Variants in ARHGAP32 observed in about 807,000 individuals in gnomAD.
The protein encoded by ARHGAP32 is Rho GTPase activating protein 32, also known as rho GTPase-activating protein 32.
In ARHGAP32, 51 loss-of-function variants were observed where a neutral mutation model predicts 186.5. That is an observed-to-expected ratio of 0.27 (90% confidence interval 0.22 to 0.35). The LOEUF (loss-of-function observed/expected upper bound fraction) is 0.35, where lower values mean the gene tolerates loss of function less well. Ranked by LOEUF, ARHGAP32 falls within the 10% of genes least tolerant of loss-of-function variation. The pLI is 1.00. For synonymous variants in ARHGAP32, 950 were observed against 964.3 expected (o/e 0.99, Z 0.27); for missense variants, 2,186 against 2,623.5 (o/e 0.83, Z 3.64).
At chr11:129,082,659 T>C (rs150057758) in intron 6 of ARHGAP32, among the ~76,000 whole-genome samples, 32 of 152,172 alleles carry the variant, frequency 2.1e-4, no homozygotes, top group African/African-American at 7.7e-4. Context: ...GATGATAACA[T>C]TGGAAAAATT....
intron 1 of ARHGAP32, among the ~76,000 whole-genome samples, chr11:129,211,436 C>T (rs984837834): frequency 6.6e-6 from 1 of 152,190 alleles, no homozygotes; most frequent in African/African-American, 2.4e-5. Flanking sequence ...TCAGATCTTT[C>T]AAGTTTTTCT....
At chr11:129,121,017 C>T (rs1477604278) in intron 5 of ARHGAP32, among the ~76,000 whole-genome samples, 1 of 152,032 alleles carries the variant, frequency 6.6e-6, no homozygotes, top group Non-Finnish European at 1.5e-5. Flanking sequence ...ATAAAGGATT[C>T]ATTTCCCATA....
Position 128,970,338 on chromosome 11 carries a change from G to T in ARHGAP32, c.4875C>A (p.Ala1625=). The change falls in exon 23 of 23, where the codon GCC becomes GCA. Residue 1625 remains alanine (A), a synonymous_variant. Transcript: ENST00000682385. The surrounding 1 kb of genome is among the most constrained non-coding windows in gnomAD (Gnocchi z 5.8). ...RTEVPPDDEP[A]YCPRPLYQYK... is the part of the protein sequence containing the mutation. ...ATTGGTACAGAGGTCTTGGGCAGTA[G>T]GCTGGCTCATCATCTGGGGGAACTT... 6.2e-7 allele frequency: 1 copy of T among 1,614,214 alleles called. No individual in the cohort carries two copies. Among genetic ancestry groups the T allele is most frequent in the Non-Finnish European group, 8.5e-7 (1 of 1,180,032 alleles).
rs551522013 is a variant in ARHGAP32, at chr11:129,058,101, TA to T, written c.963+4178del. Among the ~76,000 whole-genome samples the T allele has an allele frequency of 9.2e-5, 14 of 151,460 alleles. No homozygotes were observed. The East Asian group carries it at 2.7e-3, about 30-fold the overall frequency. On this transcript the variant is annotated intron_variant, in intron 10 of 22. Coordinates refer to ENST00000682385, the MANE Select transcript of ARHGAP32 (RefSeq NM_001378024.1). Reference sequence around the variant, plus strand: ...TGAACACAGTACCTAACAGACCAATTAAGGGATGAATAAATCCTAGAAACAG... The same window carrying T: ...TGAACACAGTACCTAACAGACCAATTAGGGATGAATAAATCCTAGAAACAG...
chr11:129,120,617 A>G (rs1249094789), intron 5 of ARHGAP32, among the ~76,000 whole-genome samples: 1 of 152,138 alleles, frequency 6.6e-6, no homozygotes, highest in Non-Finnish European at 1.5e-5. Flanking sequence ...CAGAACTAAA[A>G]GCCAGAAAGT....
At chr11:129,083,936 CAGAG>C (rs958772141) in intron 6 of ARHGAP32, among the ~76,000 whole-genome samples, 1 of 152,004 alleles carries the variant, frequency 6.6e-6, no homozygotes, top group Non-Finnish European at 1.5e-5. Context: ...CTTAAAAAGA[CAGAG>C]AGAAATACAC....
At chr11:129,200,200 G>A (rs761584142) in intron 1 of ARHGAP32, among the ~76,000 whole-genome samples, 1 of 152,116 alleles carries the variant, frequency 6.6e-6, no homozygotes, top group Non-Finnish European at 1.5e-5. Context: ...TCTGGACTGT[G>A]GACTTTTGAG....
At chr11:129,035,224 G>A (rs368023306) in intron 11 of ARHGAP32, among the ~76,000 whole-genome samples, 3 of 150,896 alleles carry the variant, frequency 2.0e-5, no homozygotes, top group East Asian at 2.0e-4. Flanking sequence ...TTTTCCTAAG[G>A]TACCATGGGT....
At chr11:129,072,324 C>T (rs1940893918) in intron 6 of ARHGAP32, among the ~76,000 whole-genome samples, 1 of 152,162 alleles carries the variant, frequency 6.6e-6, no homozygotes, top group Non-Finnish European at 1.5e-5. Flanking sequence ...CCAAGTACCA[C>T]ATGGAAATGA....
At chr11:129,062,136 TATC>T (rs2135137973) in intron 10 of ARHGAP32, 141 bp downstream of exon 10, 1 of 652,354 alleles carries the variant, frequency 1.5e-6, no homozygotes, top group Non-Finnish European at 2.7e-6. Flanking sequence ...CTAAATCTAT[TATC>T]ATTACTATCT....
At chr11:129,044,383 C>T (rs1398277976) in intron 10 of ARHGAP32, among the ~76,000 whole-genome samples, 2 of 152,110 alleles carry the variant, frequency 1.3e-5, no homozygotes, top group African/African-American at 4.8e-5. Flanking sequence ...AGCTTTAACC[C>T]ATTTATGGCA....
chr11:129,041,765 T>C (rs1939602083), intron 10 of ARHGAP32, among the ~76,000 whole-genome samples: 2 of 152,198 alleles, frequency 1.3e-5, no homozygotes, highest in Admixed American at 1.3e-4. Context: ...AGATACTGTA[T>C]AGCCAAAAGG....
intron 1 of ARHGAP32, 31 bp from the exon 2 acceptor site, chr11:129,164,458 A>C: frequency 1.6e-6 from 2 of 1,274,222 alleles, no homozygotes; most frequent in Non-Finnish European, 2.2e-6. Context: ...GATTCTGATA[A>C]GAATTTCCAA....
intron 10 of ARHGAP32, among the ~76,000 whole-genome samples, chr11:129,060,784 A>C (rs13377320): frequency 0.027 from 4,106 of 150,282 alleles, 111 homozygotes; most frequent in African/African-American, 0.068. Flanking sequence ...GAATTCTTTA[A>C]ATTTAAAAAT....
In ARHGAP32 at chr11:129,192,080, C is replaced by T. The variant is rs1330197116; in HGVS notation, c.116+3G>A. Reference sequence around the variant, plus strand: ...ACAAAGGAACTGTGAATTCCATAATCACCTGAACTTCTCTTCCCTTTCTTC... The same window carrying T: ...ACAAAGGAACTGTGAATTCCATAATTACCTGAACTTCTCTTCCCTTTCTTC... On this transcript the variant is annotated splice_donor_region_variant and intron_variant, in intron 1 of 22. Coordinates refer to ENST00000682385, the MANE Select transcript of ARHGAP32 (RefSeq NM_001378024.1). 6.2e-7 allele frequency: 1 copy of T among 1,606,864 alleles called. No individual in the cohort carries two copies. Among genetic ancestry groups the T allele is most frequent in the Non-Finnish European group, 8.5e-7 (1 of 1,173,754 alleles).
rs777544814 is a variant in ARHGAP32, at chr11:128,973,422, G to A, written c.3084C>T (p.Thr1028=). The change falls in exon 22 of 23, where the codon ACC becomes ACT. Residue 1028 remains threonine, a synonymous_variant. Transcript: ENST00000682385. The stretch of plus-strand genomic sequence containing the variant: ...GAACGGAATCCTGAGGGGGGTCATG[G>A]GTAACTGCTCCTAGTGGGAAATTGG... ...ASGQTQTGAV[T]HDPPQDSVPV... The A allele has an allele frequency of 2.8e-5, 45 of 1,613,278 alleles. 1 individual carries two copies. The South Asian group carries it at 4.0e-4, about 14-fold the overall frequency.
chr11:129,271,853 C>G (rs1196335402), intron 1 of ARHGAP32, among the ~76,000 whole-genome samples: 3 of 151,994 alleles, frequency 2.0e-5, no homozygotes, highest in Admixed American at 6.5e-5. Flanking sequence ...AGATCCAGGT[C>G]ACTGCAGTCT....
At chr11:128,980,833 CCTAT>C in intron 17 of ARHGAP32, 85 bp from the exon 18 acceptor site, 1 of 1,043,904 alleles carries the variant, frequency 9.6e-7, no homozygotes, top group Admixed American at 2.6e-5. Flanking sequence ...CATCTATCTA[CCTAT>C]CTGTTGTTTC....
intron 8 of ARHGAP32, among the ~76,000 whole-genome samples, chr11:129,064,539 T>C (rs1940622664): frequency 6.6e-6 from 1 of 152,162 alleles, no homozygotes. Flanking sequence ...TATTTTCAAT[T>C]ACTAAGTCAA....
Sources: allele counts gnomAD v4.1 joint callset (sites outside exome capture counted in the v4.1 genomes callset), GRCh38; gene constraint gnomAD v4.1.1; non-coding constraint Gnocchi (gnomAD v3.1); transcripts MANE v1.5; gene names NCBI Gene and HGNC (gene_info 2026-07-23, HGNC 2026-07-21).